Variants in ENOX2 observed in about 807,000 individuals in gnomAD.
ENOX2 encodes APK1 antigen.
ENOX2 carries 36 observed loss-of-function variants against 45.0 expected under a neutral mutation model. The observed-to-expected ratio is 0.80, with a 90% CI of 0.61 to 1.06. The LOEUF is 1.06. Among genes scored for constraint, ENOX2 ranks in the 50% least tolerant of loss-of-function variants. The pLI, the probability that ENOX2 is intolerant of heterozygous loss-of-function variation, is 0.00. For missense variants in ENOX2, 423 were observed against 462.5 expected, an observed-to-expected ratio of 0.91 and a Z score of 0.78; for synonymous variants, 174 against 152.3, an observed-to-expected ratio of 1.14 and a Z score of -1.05.
chrX:130,782,378 A>G (rs1367727289), intron 3 of ENOX2, among the ~76,000 whole-genome samples: 2 of 111,364 alleles, frequency 1.8e-5, no homozygotes, highest in Non-Finnish European at 3.8e-5. Flanking sequence ...GGTTAAGCAA[A>G]TAACTCCAGG....
At chrX:130,814,219 T>C (rs1286194009) in intron 2 of ENOX2, among the ~76,000 whole-genome samples, 1 of 112,264 alleles carries the variant, frequency 8.9e-6, no homozygotes, top group Non-Finnish European at 1.9e-5. Flanking sequence ...GAAAGGCATC[T>C]CTGAAAGAAA....
intron 2 of ENOX2, among the ~76,000 whole-genome samples, chrX:130,835,278 T>C (rs1354069441): frequency 3.6e-5 from 4 of 111,644 alleles, no homozygotes; most frequent in African/African-American, 1.3e-4. Flanking sequence ...CACAGAGAGT[T>C]TACTATGCAC....
intron 2 of ENOX2, among the ~76,000 whole-genome samples, chrX:130,825,127 A>T (rs1482507783): frequency 1.8e-5 from 2 of 111,793 alleles, no homozygotes; most frequent in Non-Finnish European, 3.8e-5. Flanking sequence ...ATCAACAAGG[A>T]AATTGACAAA....
chrX:130,754,507 T>C (rs1485837430), intron 3 of ENOX2, among the ~76,000 whole-genome samples: 2 of 111,728 alleles, frequency 1.8e-5, no homozygotes, highest in African/African-American at 6.5e-5. Flanking sequence ...CAATGGTGGA[T>C]TGGATAAAGA....
At chrX:130,874,622 T>C (rs2078658758) in intron 2 of ENOX2, among the ~76,000 whole-genome samples, 1 of 112,360 alleles carries the variant, frequency 8.9e-6, no homozygotes, top group African/African-American at 3.2e-5. Context: ...TAAGCTCATC[T>C]AAAAGGATGA....
chrX:130,859,036 A>G (rs1375863680), intron 2 of ENOX2, among the ~76,000 whole-genome samples: 2 of 112,544 alleles, frequency 1.8e-5, no homozygotes, highest in Non-Finnish European at 3.8e-5. Context: ...CCTTTAAGAA[A>G]TAACAGCCTG....
At chrX:130,879,231 A>T (rs1740349578) in intron 2 of ENOX2, among the ~76,000 whole-genome samples, 1 of 111,899 alleles carries the variant, frequency 8.9e-6, no homozygotes, top group Non-Finnish European at 1.9e-5. Context: ...GAGTGGCAAT[A>T]AGTAGAGTGT....
intron 2 of ENOX2, among the ~76,000 whole-genome samples, chrX:130,884,937 C>T (rs192793763): frequency 8.9e-6 from 1 of 111,964 alleles, no homozygotes; most frequent in East Asian, 2.8e-4. Context: ...TCCAGTACAA[C>T]AGTACAAACA....
chrX:130,670,152 G>T lies in ENOX2; in HGVS notation c.507C>A (p.Gly169=). The T allele has an allele frequency of 8.3e-7, 1 of 1,211,279 alleles. No homozygotes were observed. The highest frequency in any genetic ancestry group is 1.1e-6 in the Non-Finnish European group (1 of 895,177). ...CCTGTGCGAAATCAACGTGGAGTCT[G>T]CCTGTGTCCTTCTTGTCAGTACTAG... is the stretch of plus-strand genomic sequence containing the variant. ...LGSSTDKKDT[G]RLHVDFAQAR... is the part of the protein sequence containing the mutation. Residue 169 remains glycine, a synonymous_variant, in exon 7 of 15, where the codon GGC becomes GGA. Coordinates refer to ENST00000394363, the MANE Select transcript of ENOX2 (RefSeq NM_006375.4).
chrX:130,672,933 C>T (rs754126509), intron 6 of ENOX2, among the ~76,000 whole-genome samples: 1 of 111,951 alleles, frequency 8.9e-6, no homozygotes, highest in Non-Finnish European at 1.9e-5. Flanking sequence ...CCTCCATCCA[C>T]TCTCCCTGGG....
chrX:130,709,034 A>C (rs2038111856), intron 3 of ENOX2, among the ~76,000 whole-genome samples: 1 of 112,186 alleles, frequency 8.9e-6, no homozygotes. Context: ...GAAGGAACTA[A>C]AATTTCTTAG....
chrX:130,694,957 T>A (rs371735621), intron 4 of ENOX2, among the ~76,000 whole-genome samples: 108 of 111,677 alleles, frequency 9.7e-4, no homozygotes, highest in African/African-American at 3.3e-3. Context: ...TCTGACTTAA[T>A]CTTCACAACA....
intron 3 of ENOX2, among the ~76,000 whole-genome samples, chrX:130,757,369 A>C (rs930023453): frequency 1.8e-5 from 2 of 112,274 alleles, no homozygotes; most frequent in Non-Finnish European, 3.8e-5. Context: ...GATTCATAGA[A>C]TTTACACAAT....
intron 2 of ENOX2, among the ~76,000 whole-genome samples, chrX:130,792,724 C>T (rs1409122010): frequency 6.3e-5 from 7 of 111,421 alleles, no homozygotes; most frequent in African/African-American, 2.0e-4. Context: ...ACCCGGGTGG[C>T]GGAGGTTGCA....
intron 3 of ENOX2, among the ~76,000 whole-genome samples, chrX:130,768,676 G>A (rs1569499156): frequency 8.9e-6 from 1 of 111,904 alleles, no homozygotes; most frequent in Non-Finnish European, 1.9e-5. Context: ...AAAGACTTGA[G>A]CACCTGCTCC....
intron 2 of ENOX2, among the ~76,000 whole-genome samples, chrX:130,852,063 C>A (rs1285288471): frequency 9.0e-6 from 1 of 111,028 alleles, no homozygotes; most frequent in African/African-American, 3.3e-5. Context: ...TATCCTAGGA[C>A]AAGAAATATG....
intron 2 of ENOX2, among the ~76,000 whole-genome samples, chrX:130,792,895 T>C (rs1424740083): frequency 8.9e-6 from 1 of 112,930 alleles, no homozygotes; most frequent in Non-Finnish European, 1.9e-5. Context: ...AATAGTTACA[T>C]GTAGCTAGTG....
At chrX:130,812,263 T>C (rs2077402398) in intron 2 of ENOX2, among the ~76,000 whole-genome samples, 2 of 111,632 alleles carry the variant, frequency 1.8e-5, no homozygotes, top group South Asian at 7.5e-4. Context: ...CTCAGACATA[T>C]AATCAAACTG....
intron 2 of ENOX2, among the ~76,000 whole-genome samples, chrX:130,832,680 C>G (rs899138716): frequency 1.8e-5 from 2 of 110,970 alleles, no homozygotes; most frequent in African/African-American, 3.3e-5. Context: ...ATTTCCTGTA[C>G]TAGTTTCACA....
Sources: gnomAD v4.1 joint callset for allele counts (sites outside exome capture counted in the v4.1 genomes callset) on GRCh38, gnomAD v4.1.1 for gene constraint, MANE v1.5 for transcripts, NCBI Gene and HGNC (gene_info 2026-07-23, HGNC 2026-07-21) for gene names.